Variants in RGS5 observed in about 807,000 individuals in gnomAD.
RGS5 encodes regulator of G protein signaling 5, also known as regulator of G-protein signalling 5.
In RGS5, 20 loss-of-function variants were observed where a neutral mutation model predicts 18.9. That is an observed-to-expected ratio of 1.06 (90% CI 0.74 to 1.54). The LOEUF is 1.54. Among genes scored for constraint, RGS5 ranks in the 40% most tolerant of loss-of-function variants. The pLI, the probability that RGS5 is intolerant of heterozygous loss-of-function variation, is 0.00. For missense variants in RGS5, 201 were observed against 211.8 expected, an observed-to-expected ratio of 0.95 and a Z score of 0.32; for synonymous variants, 57 against 76.2, an observed-to-expected ratio of 0.75 and a Z score of 1.31.
intron 1 of RGS5, among the ~76,000 whole-genome samples, chr1:163,173,578 T>C (rs775686582): frequency 6.6e-6 from 1 of 152,294 alleles, no homozygotes; most frequent in Non-Finnish European, 1.5e-5. Context: ...AGAAACATGG[T>C]TAAATTTTGA....
upstream of RGS5, among the ~76,000 whole-genome samples, chr1:163,203,382 C>A (rs1230041295): frequency 2.0e-5 from 3 of 152,152 alleles, no homozygotes; most frequent in African/African-American, 7.2e-5. Flanking sequence ...AAGTGCCAGG[C>A]ACTCAGCTGG....
At chr1:163,246,577 AAAAAACAAAAC>A (rs1470209657) in intron 2 of RGS5, among the ~76,000 whole-genome samples, 3 of 152,198 alleles carry the variant, frequency 2.0e-5, no homozygotes, top group African/African-American at 2.4e-5. Flanking sequence ...TCTGAAAAAC[AAAAAACAAAAC>A]AAAAACAAAA....
At chr1:163,189,510 A>G (rs561307502) in intron 1 of RGS5, among the ~76,000 whole-genome samples, 1 of 152,256 alleles carries the variant, frequency 6.6e-6, no homozygotes, top group Non-Finnish European at 1.5e-5. Flanking sequence ...TAAAGCAAAC[A>G]TTGATGGGGT....
intron 2 of RGS5, among the ~76,000 whole-genome samples, chr1:163,286,476 A>ATT (rs1327230212): frequency 4.0e-5 from 6 of 151,674 alleles, no homozygotes; most frequent in African/African-American, 1.5e-4. Flanking sequence ...GTCTCTCATT[A>ATT]TTTTTTCCTA....
chr1:163,262,757 A>G (rs1337007909), intron 2 of RGS5, among the ~76,000 whole-genome samples: 1 of 150,082 alleles, frequency 6.7e-6, no homozygotes, highest in Non-Finnish European at 1.5e-5. Flanking sequence ...TGGTTGAACT[A>G]GTTTACAGTC....
chr1:163,182,244 A>G (rs1166338752), intron 1 of RGS5, among the ~76,000 whole-genome samples: 4 of 152,136 alleles, frequency 2.6e-5, no homozygotes, highest in Non-Finnish European at 5.9e-5. Context: ...TCCACCTCAT[A>G]ATAATGCAAC....
intron 2 of RGS5, among the ~76,000 whole-genome samples, chr1:163,242,470 C>T (rs1255033250): frequency 6.6e-6 from 1 of 152,160 alleles, no homozygotes; most frequent in African/African-American, 2.4e-5. Context: ...GAAGCATACA[C>T]AAATGAGTAT....
Position 163,253,143 on chromosome 1 carries a change from T to G in RGS5, c.-281+53090A>C, listed in dbSNP as rs576327337. 6.6e-5 allele frequency among the ~76,000 whole-genome samples: 10 copies of G among 152,218 alleles called. No individual in the cohort carries two copies. The South Asian group carries it at 2.1e-3, about 32-fold the overall frequency. ...ACATCTTCCTAATAAAAACACAAGGTGTTTTCTGCTTTTTCTAGAATCAAA... is the reference window on the plus strand; with the variant it reads ...ACATCTTCCTAATAAAAACACAAGGGGTTTTCTGCTTTTTCTAGAATCAAA... On this transcript the variant is annotated intron_variant, in intron 2 of 5. Coordinates refer to the RGS5 transcript ENST00000618415.
chr1:163,196,236 T>C (rs1469191251), intron 1 of RGS5, among the ~76,000 whole-genome samples: 2 of 152,204 alleles, frequency 1.3e-5, no homozygotes, highest in Non-Finnish European at 2.9e-5. Context: ...GAAACTGTTA[T>C]CTTCTGGCCT....
intron 4 of RGS5, among the ~76,000 whole-genome samples, chr1:163,147,960 T>C (rs1336838599): frequency 7.6e-6 from 1 of 131,952 alleles, no homozygotes; most frequent in Non-Finnish European, 1.5e-5. Context: ...AGTCTAGTTC[T>C]GTCACTCAGG....
At chr1:163,219,443 G>A (rs532807681), upstream of RGS5, among the ~76,000 whole-genome samples, 8 of 152,198 alleles carry the variant, frequency 5.3e-5, no homozygotes, top group South Asian at 1.2e-3. Context: ...TGTTGTATAA[G>A]CAGAGATTAT....
chr1:163,189,662 G>A (rs909201558), intron 1 of RGS5, among the ~76,000 whole-genome samples: 1 of 152,156 alleles, frequency 6.6e-6, no homozygotes, highest in Non-Finnish European at 1.5e-5. Flanking sequence ...ATTACAAGGA[G>A]AAATATGACC....
intron 2 of RGS5, among the ~76,000 whole-genome samples, chr1:163,234,081 T>C (rs565295543): frequency 6.6e-6 from 1 of 152,350 alleles, no homozygotes; most frequent in Admixed American, 6.5e-5. Flanking sequence ...TTGTTTCTGA[T>C]TCTTGACCTA....
At chr1:163,264,750 A>G (rs1648534537) in intron 2 of RGS5, among the ~76,000 whole-genome samples, 1 of 152,128 alleles carries the variant, frequency 6.6e-6, no homozygotes, top group African/African-American at 2.4e-5. Context: ...TAGAGTCATT[A>G]TATTTCCCTA....
At chr1:163,155,680 T>C (rs1657551747) in intron 3 of RGS5, among the ~76,000 whole-genome samples, 1 of 152,036 alleles carries the variant, frequency 6.6e-6, no homozygotes, top group Admixed American at 6.6e-5. Flanking sequence ...AGGCCAAATG[T>C]CTCTATTCTG....
At chr1:163,168,180 A>C in intron 2 of RGS5, 78 bp downstream of exon 2, 23 of 1,052,434 alleles carry the variant, frequency 2.2e-5, no homozygotes, top group Non-Finnish European at 3.4e-5. Context: ...GTAGTTCTAC[A>C]GATGAGGAAT....
chr1:163,199,673 T>C (rs1414781948), intron 1 of RGS5, among the ~76,000 whole-genome samples: 27 of 152,208 alleles, frequency 1.8e-4, no homozygotes, highest in Admixed American at 1.7e-3. Context: ...TGCTTTCTTA[T>C]AAATCAGCAT....
At chr1:163,160,956 C>G (rs182792985) in intron 3 of RGS5, among the ~76,000 whole-genome samples, 1 of 152,128 alleles carries the variant, frequency 6.6e-6, no homozygotes, top group East Asian at 1.9e-4. Flanking sequence ...AGTTTATAAC[C>G]TATCATAGAA....
intron 2 of RGS5, among the ~76,000 whole-genome samples, chr1:163,292,445 GT>G (rs1649312463): frequency 6.6e-6 from 1 of 152,114 alleles, no homozygotes; most frequent in Non-Finnish European, 1.5e-5. Flanking sequence ...TTGATTCCAT[GT>G]TTTTGCTATT....
Sources: gnomAD v4.1 joint callset for allele counts (sites outside exome capture counted in the v4.1 genomes callset) on GRCh38, gnomAD v4.1.1 for gene constraint, MANE v1.5 for transcripts, NCBI Gene and HGNC (gene_info 2026-07-23, HGNC 2026-07-21) for gene names.